KMT2A: variants seen among roughly 807,000 people sequenced by gnomAD.
KMT2A encodes histone-lysine N-methyltransferase 2A.
A neutral mutation model predicts 345.3 loss-of-function variants in KMT2A; 16 were observed. The observed-to-expected ratio is 0.05, with a 90% confidence interval of 0.03 to 0.07. The LOEUF (loss-of-function observed/expected upper bound fraction) is 0.07, where lower values mean the gene tolerates loss of function less well. KMT2A is among the 10% of genes least tolerant of loss of function. KMT2A has a pLI of 1.00. For missense variants in KMT2A, 3,272 were observed against 4,841.6 expected, an observed-to-expected ratio of 0.68 and a Z score of 9.62; for synonymous variants, 1,599 against 1,778.6, an observed-to-expected ratio of 0.90 and a Z score of 2.54.
intron 23 of KMT2A, 126 bp from the exon 24 acceptor site, chr11:118,499,708 AG>A: frequency 1.4e-6 from 1 of 719,862 alleles, no homozygotes; most frequent in Non-Finnish European, 2.4e-6. Flanking sequence ...TGAACCCCGG[AG>A]GCAGAGGCTG....
Position 118,522,226 on chromosome 11 carries a change from A to T in KMT2A, c.*54A>T. On this transcript the variant is annotated 3_prime_UTR_variant, in exon 36 of 36. Transcript: ENST00000534358. The surrounding 1 kb of genome is among the most constrained non-coding windows in gnomAD (Gnocchi z 5.4). Reference sequence around the variant, plus strand: ...GCAAGGAGGCGGGGCCATCCAAAGCAACGCTGAAGGCCTTTTCCAGCAGCT... The same window carrying T: ...GCAAGGAGGCGGGGCCATCCAAAGCTACGCTGAAGGCCTTTTCCAGCAGCT... 1.9e-6 allele frequency: 3 copies of T among 1,591,434 alleles called. No homozygotes were observed. The highest frequency in any genetic ancestry group is 2.6e-6 in the Non-Finnish European group (3 of 1,165,036).
Position 118,505,837 on chromosome 11 carries a change from A to C in KMT2A, c.9945A>C (p.Thr3315=). ...LPQSVGGTAA[T]AAGTSTISQD... is the part of the protein sequence containing the mutation. Reference sequence around the variant, plus strand: ...AGAGTGTGGGAGGAACTGCTGCCACAGCGGCAGGCACATCAACAATAAGCC... The same window carrying C: ...AGAGTGTGGGAGGAACTGCTGCCACCGCGGCAGGCACATCAACAATAAGCC... The change falls in exon 27 of 36, where the codon ACA becomes ACC. Residue 3315 remains threonine (T), a synonymous_variant. Transcript: ENST00000534358. This position sits in a 1 kb window ranked among gnomAD's most constrained non-coding sequence, Gnocchi z 4.6. 6.2e-7 allele frequency: 1 copy of C among 1,614,210 alleles called. No homozygotes were observed. The highest frequency in any genetic ancestry group is 8.5e-7 in the Non-Finnish European group (1 of 1,180,028).
In KMT2A at chr11:118,521,491, C is replaced by G; in HGVS notation, c.11643+74C>G. 6.6e-7 allele frequency: 1 copy of G among 1,519,626 alleles called. No homozygotes were observed. The highest frequency in any genetic ancestry group is 9.0e-7 in the Non-Finnish European group (1 of 1,113,076). The allele number at this position is 1,519,626 out of a possible 1,614,324, so 94.1% of individuals were successfully genotyped here. On this transcript the variant is annotated intron_variant, in intron 35 of 35. Coordinates refer to ENST00000534358, the MANE Select transcript of KMT2A (RefSeq NM_001197104.2). This position sits in a 1 kb window ranked among gnomAD's most constrained non-coding sequence, Gnocchi z 5.3. The stretch of plus-strand genomic sequence containing the variant: ...AGGGACCAGTATGACCCCTGGATCA[C>G]AAAAGAAATAGTGTATGTTATCAAT...
chr11:118,513,651 G>T (rs1950737558), intron 31 of KMT2A, among the ~76,000 whole-genome samples: 1 of 151,850 alleles, frequency 6.6e-6, no homozygotes, highest in East Asian at 1.9e-4. Flanking sequence ...GCATGAAAGG[G>T]TACTCAATCT....
At chr11:118,463,674 G>C (rs1183826883) in intron 1 of KMT2A, among the ~76,000 whole-genome samples, 1 of 152,150 alleles carries the variant, frequency 6.6e-6, no homozygotes, top group Non-Finnish European at 1.5e-5. Flanking sequence ...GTAGCTAACT[G>C]TGTGATCTTG....
At position 118,522,899 on chromosome 11, in the gene KMT2A, C is replaced by G. The variant is rs1232020809; in HGVS notation, c.*727C>G. 2 of 226,076 alleles carry G rather than the reference C, an allele frequency of 8.8e-6. No homozygotes were observed. Among genetic ancestry groups the G allele is most frequent in the Admixed American group, 5.7e-5 (1 of 17,522 alleles). The allele number at this position is 226,076 out of a possible 1,614,324, so 14.0% of individuals were successfully genotyped here. A position where few individuals can be genotyped will look rare whatever the true frequency, so the allele number is the denominator to read the frequency against. ...CATTCCCTCTTCACTCCCTTTTCTT[C>G]CTTTCCCCTGTCTTCATGCCACTGC... On this transcript the variant is annotated 3_prime_UTR_variant, in exon 36 of 36. Transcript: ENST00000534358. This position sits in a 1 kb window ranked among gnomAD's most constrained non-coding sequence, Gnocchi z 5.4.
chr11:118,439,262 T>C (rs571770215), intron 1 of KMT2A: 1 of 352,546 alleles, frequency 2.8e-6, no homozygotes, highest in South Asian at 2.2e-5. Flanking sequence ...TAGCCCCATG[T>C]ATATTTGAGT....
chr11:118,484,348 G>C lies in KMT2A; in HGVS notation c.4218+34G>C, dbSNP rs782002766. 3.1e-6 allele frequency: 5 copies of C among 1,604,812 alleles called. No homozygotes were observed. Among genetic ancestry groups the C allele is most frequent in the Non-Finnish European group, 3.4e-6 (4 of 1,174,346 alleles). ...GTTCAGTGATCATAAAGTATATTGAGTGTCAAAGACTTTAAATAAAGAAAA... is the reference window on the plus strand; with the variant it reads ...GTTCAGTGATCATAAAGTATATTGACTGTCAAAGACTTTAAATAAAGAAAA... On this transcript the variant is annotated intron_variant, in intron 9 of 35. Transcript: ENST00000534358. The surrounding 1 kb of genome is among the most constrained non-coding windows in gnomAD (Gnocchi z 4.1).
chr11:118,477,021 T>G, intron 4 of KMT2A, 39 bp downstream of exon 4: 1 of 1,600,284 alleles, frequency 6.2e-7, no homozygotes. Flanking sequence ...GGAACAGACT[T>G]TTGATTTGTT....
Position 118,472,224 on chromosome 11 carries a change from T to G in KMT2A, c.1065T>G (p.Ile355Met). ...TTGTCAGACAAAGCCCTCGAAGGAT[T>G]AAGCCAGTTAGGATTATTCCTTCTT... is the stretch of plus-strand genomic sequence containing the variant. ...KTVVRQSPRRIKPVRIIPSSK... is the reference protein window; with the variant it reads ...KTVVRQSPRRMKPVRIIPSSK... Residue 355 changes from isoleucine (I) to methionine (M), a missense_variant, in exon 3 of 36, where the codon ATT becomes ATG. Ile to Met is a conservative substitution (Grantham distance 10). Transcript: ENST00000534358. 1.4e-5 allele frequency: 22 copies of G among 1,613,956 alleles called. No homozygotes were observed. Among genetic ancestry groups the G allele is most frequent in the Non-Finnish European group, 1.9e-5 (22 of 1,180,006 alleles).
chr11:118,515,003 G>C (rs1198396847), intron 31 of KMT2A, among the ~76,000 whole-genome samples: 1 of 152,176 alleles, frequency 6.6e-6, no homozygotes, highest in Non-Finnish European at 1.5e-5. Flanking sequence ...TCCTGAGCTT[G>C]TGATCTGCCC....
intron 25 of KMT2A, 115 bp from the exon 26 acceptor site, chr11:118,501,557 G>T: frequency 1.3e-6 from 1 of 786,766 alleles, no homozygotes; most frequent in Non-Finnish European, 2.0e-6. Context: ...ATTTACTTGG[G>T]AAGTCTCATT....
Position 118,471,869 on chromosome 11 carries a change from A to G in KMT2A, c.710A>G (p.His237Arg). ...TFPGVKIKIT[H>R]GKDISELPKG... is the part of the protein sequence containing the mutation. ...CCTGGAGTAAAAATCAAAATAACAC[A>G]TGGAAAGGACATTTCAGAGTTACCA... is the stretch of plus-strand genomic sequence containing the variant. The change falls in exon 3 of 36, where the codon CAT (histidine) becomes CGT (arginine). Residue 237 changes from histidine to arginine, a missense_variant. Physicochemically the swap from His to Arg is conservative, Grantham distance 29. Around this residue, in one of 27 missense-constraint regions of KMT2A, gnomAD observed 412 missense variants for 511.0 expected, o/e 0.81. Coordinates refer to ENST00000534358, the MANE Select transcript of KMT2A (RefSeq NM_001197104.2). The G allele has an allele frequency of 6.2e-7, 1 of 1,612,816 alleles. No homozygotes were observed.
chr11:118,482,322 G>GTTTTT, intron 7 of KMT2A, 100 bp from the exon 8 acceptor site: 27 of 678,890 alleles, frequency 4.0e-5, no homozygotes, highest in South Asian at 1.5e-4. Flanking sequence ...AGTTTAAATA[G>GTTTTT]TTTTTTTTTT....
At chr11:118,475,996 C>T (rs2134279576) in intron 3 of KMT2A, among the ~76,000 whole-genome samples, 1 of 152,188 alleles carries the variant, frequency 6.6e-6, no homozygotes, top group Middle Eastern at 3.4e-3. Context: ...ACGTCCGCCT[C>T]CCAGGTTCAA....
Position 118,502,980 on chromosome 11 carries a change from C to A in KMT2A, c.7088C>A (p.Ser2363Tyr). The A allele has an allele frequency of 6.2e-7, 1 of 1,614,046 alleles. No homozygotes were observed. The highest frequency in any genetic ancestry group is 2.2e-5 in the East Asian group (1 of 44,880). ...GCTGAACCCTCTTCAGTGTCGTTTT[C>A]TTCTAAAGAGGCCCTCTCCTTCCCA... ...SFAEPSSVSF[S>Y]SKEALSFPHL... is the part of the protein sequence containing the mutation. The change falls in exon 27 of 36, where the codon TCT becomes TAT. Residue 2363 changes from serine to tyrosine, a missense_variant. By Grantham distance (144) the Ser-to-Tyr change is moderately radical (BLOSUM62 -2). This residue lies in a region of KMT2A where 445 missense variants were observed against 500.9 expected (regional missense o/e 0.89). Coordinates refer to ENST00000534358, the MANE Select transcript of KMT2A (RefSeq NM_001197104.2). This position sits in a 1 kb window ranked among gnomAD's most constrained non-coding sequence, Gnocchi z 4.9.
chr11:118,503,712 C>T lies in KMT2A; in HGVS notation c.7820C>T (p.Pro2607Leu). 1 of 1,614,158 alleles carries T rather than the reference C, an allele frequency of 6.2e-7. No homozygotes were observed. The change falls in exon 27 of 36, where the codon CCC (proline) becomes CTC (leucine). Residue 2607 changes from proline (P) to leucine (L), a missense_variant. Pro to Leu is a moderately conservative substitution (Grantham distance 98, BLOSUM62 -3). Around this residue, in one of 27 missense-constraint regions of KMT2A, gnomAD observed 445 missense variants for 500.9 expected, o/e 0.89. Coordinates refer to ENST00000534358, the MANE Select transcript of KMT2A (RefSeq NM_001197104.2). This position sits in a 1 kb window ranked among gnomAD's most constrained non-coding sequence, Gnocchi z 5.3. ...QDRNLMLPDG[P>L]KPQEDGSFKR... The stretch of plus-strand genomic sequence containing the variant: ...AGAAACCTAATGCTTCCAGATGGCC[C>T]CAAACCTCAGGAGGATGGCTCTTTT...
chr11:118,468,243 A>G (rs1479626244), intron 1 of KMT2A, among the ~76,000 whole-genome samples: 7 of 152,172 alleles, frequency 4.6e-5, no homozygotes, highest in African/African-American at 9.7e-5. Context: ...CTGGATCTCA[A>G]ATGTACAGAA....
chr11:118,506,974 G>A (rs1299261551), intron 27 of KMT2A, among the ~76,000 whole-genome samples: 7 of 152,272 alleles, frequency 4.6e-5, no homozygotes, highest in South Asian at 2.1e-4. Context: ...GCTCCCTCTT[G>A]TAGATCCACA....
Sources: allele counts gnomAD v4.1 joint callset (sites outside exome capture counted in the v4.1 genomes callset), GRCh38; gene constraint gnomAD v4.1.1; regional missense constraint gnomAD v4.1.1; non-coding constraint Gnocchi (gnomAD v3.1); transcripts MANE v1.5; gene names NCBI Gene and HGNC (gene_info 2026-07-23, HGNC 2026-07-21).